Variants in ST6GALNAC5 observed in about 807,000 individuals in gnomAD.
ST6GALNAC5 encodes the protein alpha-N-acetylgalactosaminide alpha-2,6-sialyltransferase 5.
In ST6GALNAC5, 27 loss-of-function variants were observed where a neutral mutation model predicts 33.6. The observed-to-expected ratio is 0.80, with a 90% CI of 0.59 to 1.11. ST6GALNAC5 has a LOEUF of 1.11. ST6GALNAC5 is among the 50% of genes least tolerant of loss of function. The pLI is 0.00. For synonymous variants in ST6GALNAC5, 194 were observed against 171.2 expected, an observed-to-expected ratio of 1.13 and a Z score of -1.04; for missense variants, 428 against 454.0, an observed-to-expected ratio of 0.94 and a Z score of 0.52.
chr1:76,911,186 A>G (rs1045692688), intron 2 of ST6GALNAC5, among the ~76,000 whole-genome samples: 6 of 152,172 alleles, frequency 3.9e-5, no homozygotes, highest in Non-Finnish European at 8.8e-5. Flanking sequence ...CCTTTTCTGC[A>G]TCTATTGAGA....
intron 4 of ST6GALNAC5, among the ~76,000 whole-genome samples, chr1:77,053,633 T>A (rs1652299526): frequency 6.6e-6 from 1 of 152,170 alleles, no homozygotes; most frequent in African/African-American, 2.4e-5. Context: ...CTCAGAAGCC[T>A]TACCCACAAA....
chr1:76,974,878 CG>C, intron 2 of ST6GALNAC5, among the ~76,000 whole-genome samples: 1 of 147,628 alleles, frequency 6.8e-6, no homozygotes, highest in Non-Finnish European at 1.5e-5. Flanking sequence ...TTCCGCCTCC[CG>C]GGTTCAAGTT....
At position 76,914,587 on chromosome 1, in the gene ST6GALNAC5, C is replaced by T. The variant is rs192759476; in HGVS notation, c.261+45845C>T. 6.7e-4 allele frequency among the ~76,000 whole-genome samples: 102 copies of T among 152,106 alleles called. 1 individual carries two copies. Among genetic ancestry groups the T allele is most frequent in the African/African-American group, 1.9e-3 (77 of 41,498 alleles). ...ACAAACCTGAGAAAAACAAGCAATG[C>T]GGAAAGGATTCCCTATTTAATAAAT... On this transcript the variant is annotated intron_variant, in intron 2 of 4. Coordinates refer to ENST00000477717, the MANE Select transcript of ST6GALNAC5 (RefSeq NM_030965.3).
intron 2 of ST6GALNAC5, among the ~76,000 whole-genome samples, chr1:77,017,018 A>G (rs373895862): frequency 2.6e-5 from 4 of 152,222 alleles, no homozygotes; most frequent in Middle Eastern, 3.4e-3. Context: ...GTTCGGGTAC[A>G]ATCATTGAAC....
intron 2 of ST6GALNAC5, among the ~76,000 whole-genome samples, chr1:77,043,484 C>T (rs1481301088): frequency 6.6e-6 from 1 of 152,172 alleles, no homozygotes; most frequent in Non-Finnish European, 1.5e-5. Flanking sequence ...TGGCTCTGAG[C>T]TTGACGCTTT....
chr1:77,060,825 C>A (rs1652551747), intron 4 of ST6GALNAC5, among the ~76,000 whole-genome samples: 1 of 151,998 alleles, frequency 6.6e-6, no homozygotes, highest in Non-Finnish European at 1.5e-5. Flanking sequence ...CTAACTGTTT[C>A]TTTAGTCAGA....
intron 2 of ST6GALNAC5, among the ~76,000 whole-genome samples, chr1:76,926,779 C>A (rs1647090164): frequency 6.6e-6 from 1 of 152,082 alleles, no homozygotes; most frequent in African/African-American, 2.4e-5. Flanking sequence ...TATGCTGTCA[C>A]TAGCAATACA....
At position 76,979,898 on chromosome 1, in the gene ST6GALNAC5, C is replaced by A. The variant is rs186106857; in HGVS notation, c.262-64306C>A. 3.7e-4 allele frequency among the ~76,000 whole-genome samples: 57 copies of A among 152,176 alleles called. No homozygotes were observed. The East Asian group carries it at 9.7e-3, about 26-fold the overall frequency. On this transcript the variant is annotated intron_variant, in intron 2 of 4. Transcript: ENST00000477717. ...CTGAGGTTGCAGTAAGCCAAGCTTACCCCATTGCACTCCAGCCTGGGGGAT... is the reference window on the plus strand; with the variant it reads ...CTGAGGTTGCAGTAAGCCAAGCTTAACCCATTGCACTCCAGCCTGGGGGAT...
rs144074793 is a variant in ST6GALNAC5 at position 76,973,416 on chromosome 1, TTTATTATTATTATTA to T, written c.262-70770_262-70756del. On this transcript the variant is annotated intron_variant, in intron 2 of 4. Coordinates refer to ENST00000477717, the MANE Select transcript of ST6GALNAC5 (RefSeq NM_030965.3). ...TCCTCTTACTCAGGAAGCAGTCAGG[TTTATTATTATTATTA>T]TTATTATTATTATTATTCAGGCAAG... 6.7e-5 allele frequency among the ~76,000 whole-genome samples: 10 copies of T among 148,642 alleles called. No individual in the cohort carries two copies. The East Asian group carries it at 2.0e-3, about 30-fold the overall frequency.
At chr1:76,944,200 A>C (rs1647431426) in intron 2 of ST6GALNAC5, among the ~76,000 whole-genome samples, 1 of 152,128 alleles carries the variant, frequency 6.6e-6, no homozygotes, top group African/African-American at 2.4e-5. Flanking sequence ...TATCTGAGAA[A>C]ACTGGCAACA....
intron 2 of ST6GALNAC5, among the ~76,000 whole-genome samples, chr1:76,873,562 T>C (rs1192829541): frequency 6.6e-6 from 1 of 152,186 alleles, no homozygotes; most frequent in Non-Finnish European, 1.5e-5. Flanking sequence ...ATGTCAACTT[T>C]TTTCTCTACA....
intron 2 of ST6GALNAC5, among the ~76,000 whole-genome samples, chr1:77,021,454 A>AT (rs1184896846): frequency 1.3e-5 from 2 of 152,150 alleles, no homozygotes; most frequent in African/African-American, 4.8e-5. Flanking sequence ...TAATGACTTC[A>AT]TTATATTTTG....
At chr1:76,883,150 C>A (rs1265263664) in intron 2 of ST6GALNAC5, among the ~76,000 whole-genome samples, 1 of 152,168 alleles carries the variant, frequency 6.6e-6, no homozygotes, top group Non-Finnish European at 1.5e-5. Context: ...AGATAAAGGA[C>A]CTTGTCCCTA....
intron 2 of ST6GALNAC5, among the ~76,000 whole-genome samples, chr1:76,951,179 A>C (rs1215958824): frequency 6.6e-6 from 1 of 152,130 alleles, no homozygotes; most frequent in African/African-American, 2.4e-5. Context: ...CCACGGATCA[A>C]ATCAGTCTCC....
chr1:76,972,283 G>T (rs950322059), intron 2 of ST6GALNAC5, among the ~76,000 whole-genome samples: 6 of 151,982 alleles, frequency 3.9e-5, no homozygotes, highest in African/African-American at 1.5e-4. Context: ...GAACAGCATG[G>T]GAAAGACCTC....
chr1:76,880,866 A>G (rs1031035806), intron 2 of ST6GALNAC5, among the ~76,000 whole-genome samples: 3 of 152,224 alleles, frequency 2.0e-5, no homozygotes, highest in Non-Finnish European at 2.9e-5. Context: ...ACAAGACAGA[A>G]TATTTGCAGT....
At chr1:76,922,943 AAAAAAAG>A (rs1186264455) in intron 2 of ST6GALNAC5, among the ~76,000 whole-genome samples, 74 of 138,788 alleles carry the variant, frequency 5.3e-4, no homozygotes, top group African/African-American at 7.9e-4. Context: ...CTCAAAAAAA[AAAAAAAG>A]AAAAAAGAAA....
intron 2 of ST6GALNAC5, among the ~76,000 whole-genome samples, chr1:77,018,638 G>A (rs189444587): frequency 3.3e-4 from 51 of 152,268 alleles, no homozygotes; most frequent in South Asian, 6.2e-4. Flanking sequence ...TAAATCCTGC[G>A]TCTGCCACAC....
intron 2 of ST6GALNAC5, among the ~76,000 whole-genome samples, chr1:76,875,441 T>C (rs1049179206): frequency 3.3e-5 from 5 of 152,192 alleles, no homozygotes; most frequent in African/African-American, 1.2e-4. Flanking sequence ...AGTGGACTGA[T>C]TTCATCTTGA....
Sources: gnomAD v4.1 joint callset for allele counts (sites outside exome capture counted in the v4.1 genomes callset) on GRCh38, gnomAD v4.1.1 for gene constraint, MANE v1.5 for transcripts, NCBI Gene and HGNC (gene_info 2026-07-23, HGNC 2026-07-21) for gene names.